ADCY5: variants seen among roughly 807,000 people sequenced by gnomAD.
ADCY5 encodes adenylate cyclase 5.
ADCY5 carries 30 observed loss-of-function variants against 119.7 expected under a neutral mutation model. The ratio of observed to expected loss-of-function variants is 0.25; its 90% CI spans 0.19 to 0.34. The LOEUF (loss-of-function observed/expected upper bound fraction) is 0.34, where lower values mean the gene tolerates loss of function less well. Among genes scored for constraint, ADCY5 ranks in the 10% least tolerant of loss-of-function variants. The probability of loss-of-function intolerance (pLI) is 1.00; values close to 1 mark genes in which losing one functional copy is unlikely to be tolerated. For synonymous variants in ADCY5, 753 were observed against 762.2 expected, an observed-to-expected ratio of 0.99 and a Z score of 0.20; for missense variants, 1,324 against 1,775.2, an observed-to-expected ratio of 0.75 and a Z score of 4.57.
rs1942633072 is a variant in ADCY5, at chr3:123,347,919, C to T, written c.1285-16G>A. On this transcript the variant is annotated splice_polypyrimidine_tract_variant and intron_variant, in intron 2 of 20. Coordinates refer to ENST00000462833, the MANE Select transcript of ADCY5 (RefSeq NM_183357.3). ...GGAGCCGTTCCTGCAGAGGGAAGCACATGCTTTCATCACCACGCCTTCTAC... is the reference window on the plus strand; with the variant it reads ...GGAGCCGTTCCTGCAGAGGGAAGCATATGCTTTCATCACCACGCCTTCTAC... The T allele has an allele frequency of 2.5e-6, 4 of 1,614,074 alleles. No homozygotes were observed. Among genetic ancestry groups the T allele is most frequent in the Non-Finnish European group, 3.4e-6 (4 of 1,179,988 alleles).
chr3:123,368,720 C>G (rs1400387999), intron 1 of ADCY5, among the ~76,000 whole-genome samples: 1 of 149,720 alleles, frequency 6.7e-6, no homozygotes, highest in Non-Finnish European at 1.5e-5. Context: ...CCACTGCACT[C>G]CAGCGTGGGT....
At chr3:123,441,239 T>C (rs2107653616) in intron 1 of ADCY5, among the ~76,000 whole-genome samples, 1 of 152,348 alleles carries the variant, frequency 6.6e-6, no homozygotes, top group East Asian at 1.9e-4. Flanking sequence ...CCCTAGACCT[T>C]TGGAAGTTGT....
At chr3:123,392,346 C>T (rs770627265) in intron 1 of ADCY5, among the ~76,000 whole-genome samples, 3 of 152,080 alleles carry the variant, frequency 2.0e-5, no homozygotes, top group Non-Finnish European at 2.9e-5. Flanking sequence ...TTTTCTTCCC[C>T]TAGAGACACT....
intron 1 of ADCY5, among the ~76,000 whole-genome samples, chr3:123,367,307 T>C (rs1167128958): frequency 6.6e-6 from 1 of 152,194 alleles, no homozygotes; most frequent in African/African-American, 2.4e-5. Flanking sequence ...GAGGCTGGCA[T>C]GGCGGGAGTA....
intron 3 of ADCY5, among the ~76,000 whole-genome samples, chr3:123,344,873 G>C (rs752707227): frequency 6.6e-6 from 1 of 152,198 alleles, no homozygotes; most frequent in Admixed American, 6.5e-5. Context: ...CCTCTGATGT[G>C]TACCAGCCAC....
rs1210707573 is a variant in ADCY5 at position 123,328,821 on chromosome 3, T to C, written c.1647-19A>G. The stretch of plus-strand genomic sequence containing the variant: ...GACCAACCTGGGGATGGAGCAGGAG[T>C]AAAGCTGGGAGAAGGCTGGAGGCCA... On this transcript the variant is annotated intron_variant, in intron 5 of 20. Transcript: ENST00000462833. 6.2e-7 allele frequency: 1 copy of C among 1,611,484 alleles called. No homozygotes were observed. Among genetic ancestry groups the C allele is most frequent in the Non-Finnish European group, 8.5e-7 (1 of 1,178,460 alleles).
chr3:123,311,791 G>T (rs1043627381), intron 12 of ADCY5, among the ~76,000 whole-genome samples: 2 of 152,134 alleles, frequency 1.3e-5, no homozygotes, highest in South Asian at 2.1e-4. Context: ...GTGTGGGACT[G>T]GGGGGACAGT....
At chr3:123,396,336 AAG>A (rs1944562881) in intron 1 of ADCY5, among the ~76,000 whole-genome samples, 1 of 143,836 alleles carries the variant, frequency 7.0e-6, no homozygotes, top group South Asian at 2.4e-4. Context: ...AGGAAAAGAA[AAG>A]AGAAGAAAAA....
At chr3:123,327,782 G>A in intron 6 of ADCY5, 23 bp from the exon 7 acceptor site, 1 of 1,612,664 alleles carries the variant, frequency 6.2e-7, no homozygotes, top group South Asian at 1.1e-5. Flanking sequence ...AGGGATCAGG[G>A]TGGAGAGGGC....
intron 1 of ADCY5, among the ~76,000 whole-genome samples, chr3:123,401,694 C>A (rs1370386723): frequency 1.3e-5 from 2 of 152,156 alleles, no homozygotes; most frequent in Admixed American, 6.5e-5. Flanking sequence ...CCTCCCTGGT[C>A]AGCATTCTTC....
At chr3:123,285,639 G>A (rs1045824307) in intron 20 of ADCY5, among the ~76,000 whole-genome samples, 1 of 152,232 alleles carries the variant, frequency 6.6e-6, no homozygotes, top group East Asian at 1.9e-4. Flanking sequence ...CAGTTCCTGT[G>A]TGGTGCAGCC....
chr3:123,362,118 C>T (rs868332924), intron 1 of ADCY5, among the ~76,000 whole-genome samples: 8 of 152,156 alleles, frequency 5.3e-5, no homozygotes, highest in South Asian at 2.1e-4. Context: ...AATAATGTTG[C>T]TGTGATGAAC....
chr3:123,349,950 C>A (rs1314204785), intron 2 of ADCY5, among the ~76,000 whole-genome samples: 1 of 152,272 alleles, frequency 6.6e-6, no homozygotes, highest in Non-Finnish European at 1.5e-5. Context: ...AGCCCACGCC[C>A]ACAGCCTGGC....
At chr3:123,416,764 A>C (rs1213675557) in intron 1 of ADCY5, among the ~76,000 whole-genome samples, 1 of 152,082 alleles carries the variant, frequency 6.6e-6, no homozygotes, top group Non-Finnish European at 1.5e-5. Context: ...AGGAATGAGG[A>C]GAGAGGGTGG....
At chr3:123,342,021 C>T (rs1320214559) in intron 3 of ADCY5, among the ~76,000 whole-genome samples, 1 of 152,138 alleles carries the variant, frequency 6.6e-6, no homozygotes, top group South Asian at 2.1e-4. Flanking sequence ...GGCTCCTGGG[C>T]CCCAGCAATC....
chr3:123,352,410 C>T lies in ADCY5; in HGVS notation c.1284+22G>A. On this transcript the variant is annotated intron_variant, in intron 2 of 20. Transcript: ENST00000462833. The surrounding 1 kb of genome is among the most constrained non-coding windows in gnomAD (Gnocchi z 4.8). ...CAGGGCTCGACTCCGTCCCACTGTG[C>T]AAGGGCAGGGGCCTCACTCACCTGC... 4 of 1,604,756 alleles carry T rather than the reference C, an allele frequency of 2.5e-6. No homozygotes were observed. Among genetic ancestry groups the T allele is most frequent in the Non-Finnish European group, 2.5e-6 (3 of 1,177,040 alleles).
intron 12 of ADCY5, among the ~76,000 whole-genome samples, chr3:123,307,116 G>A (rs1940240323): frequency 6.6e-6 from 1 of 151,960 alleles, no homozygotes; most frequent in African/African-American, 2.4e-5. Context: ...AATGGGTCTG[G>A]GGGTTTCTTC....
chr3:123,338,215 C>A (rs886226371), intron 3 of ADCY5, among the ~76,000 whole-genome samples: 1 of 152,220 alleles, frequency 6.6e-6, no homozygotes, highest in Admixed American at 6.5e-5. Flanking sequence ...TCACCACCCA[C>A]CAGGAAAGAG....
At chr3:123,360,761 C>A (rs534368659) in intron 1 of ADCY5, among the ~76,000 whole-genome samples, 137 of 152,254 alleles carry the variant, frequency 9.0e-4, no homozygotes, top group African/African-American at 3.2e-3. Flanking sequence ...TAAGGAAAAA[C>A]AAAATAGACT....
Sources: gnomAD v4.1 joint callset for allele counts (sites outside exome capture counted in the v4.1 genomes callset) on GRCh38, gnomAD v4.1.1 for gene constraint, Gnocchi (gnomAD v3.1) non-coding constraint, MANE v1.5 for transcripts, NCBI Gene and HGNC (gene_info 2026-07-23, HGNC 2026-07-21) for gene names.